TSHZ3: variants seen among roughly 807,000 people sequenced by gnomAD.
TSHZ3 encodes teashirt zinc finger homeobox 3, also known as teashirt homolog 3.
TSHZ3 carries 10 observed loss-of-function variants against 64.5 expected under a neutral mutation model. The ratio of observed to expected loss-of-function variants is 0.16; its 90% CI spans 0.10 to 0.26. The LOEUF is 0.26. TSHZ3 is among the 10% of genes least tolerant of loss of function. TSHZ3 has a pLI of 1.00. For missense variants in TSHZ3, 1,242 were observed against 1,421.7 expected, an observed-to-expected ratio of 0.87 and a Z score of 2.03; for synonymous variants, 608 against 593.1, an observed-to-expected ratio of 1.03 and a Z score of -0.36.
In TSHZ3 at chr19:31,337,336, T is replaced by G. The variant is rs75272170; in HGVS notation, c.40+11844A>C. The stretch of plus-strand genomic sequence containing the variant: ...ACAAAACAAGGTTTCTTCCCATGAG[T>G]GCACTCAGTTCCTTACCAATTATAC... On this transcript the variant is annotated intron_variant, in intron 1 of 1. Coordinates refer to ENST00000240587, the MANE Select transcript of TSHZ3 (RefSeq NM_020856.4). Among the ~76,000 whole-genome samples, 537 of 152,298 alleles carry G rather than the reference T, an allele frequency of 3.5e-3. 6 individuals carry two copies. Among genetic ancestry groups the G allele is most frequent in the South Asian group, 0.033 (157 of 4,830 alleles).
chr19:31,345,310 C>G (rs1377802199), intron 1 of TSHZ3, among the ~76,000 whole-genome samples: 1 of 152,204 alleles, frequency 6.6e-6, no homozygotes, highest in Non-Finnish European at 1.5e-5. Flanking sequence ...ATTCCCAAAG[C>G]TAAGGCCGAA....
chr19:31,291,575 C>T (rs1976565999), intron 1 of TSHZ3, among the ~76,000 whole-genome samples: 1 of 152,156 alleles, frequency 6.6e-6, no homozygotes, highest in Admixed American at 6.5e-5. Flanking sequence ...CCAGTACAAA[C>T]AAAAATAAAT....
At chr19:31,282,400 C>T (rs145647173) in intron 1 of TSHZ3, among the ~76,000 whole-genome samples, 12 of 152,154 alleles carry the variant, frequency 7.9e-5, no homozygotes, top group Non-Finnish European at 1.5e-4. Context: ...GCAGCCACTA[C>T]GAGAGGACAC....
At chr19:31,254,328 A>C (rs1412741588) in intron 1 of TSHZ3, among the ~76,000 whole-genome samples, 1 of 152,180 alleles carries the variant, frequency 6.6e-6, no homozygotes, top group Admixed American at 6.5e-5. Context: ...TCTGGTCCCC[A>C]GCACGGCCGG....
At chr19:31,226,972 TC>T in intron 4 of TSHZ3, among the ~76,000 whole-genome samples, 1 of 115,704 alleles carries the variant, frequency 8.6e-6, no homozygotes, top group South Asian at 3.0e-4. Context: ...TTTCTTTCTT[TC>T]TTTCTTTTTT....
At chr19:31,180,112 C>G (rs1204733590) in intron 5 of TSHZ3, among the ~76,000 whole-genome samples, 2 of 152,094 alleles carry the variant, frequency 1.3e-5, no homozygotes, top group Admixed American at 1.3e-4. Flanking sequence ...GTTCCTTACC[C>G]CTCTGTGAGC....
At chr19:31,302,622 C>T (rs995104926) in intron 1 of TSHZ3, among the ~76,000 whole-genome samples, 3 of 140,960 alleles carry the variant, frequency 2.1e-5, no homozygotes, top group African/African-American at 8.9e-5. Flanking sequence ...TGTGCTTTTA[C>T]TTTTACCTTA....
chr19:31,208,573 T>C (rs1239038889), intron 4 of TSHZ3, among the ~76,000 whole-genome samples: 3 of 152,194 alleles, frequency 2.0e-5, no homozygotes, highest in South Asian at 4.1e-4. Context: ...CCTTCTCCTG[T>C]AGAGTGAGTG....
At chr19:31,158,021 C>G (rs915926425) in intron 5 of TSHZ3, among the ~76,000 whole-genome samples, 3 of 152,224 alleles carry the variant, frequency 2.0e-5, no homozygotes, top group Middle Eastern at 3.4e-3. Context: ...TCAGGCAGAA[C>G]AATGTATTTT....
intron 1 of TSHZ3, among the ~76,000 whole-genome samples, chr19:31,337,422 T>C (rs990729700): frequency 8.5e-5 from 13 of 152,344 alleles, no homozygotes; most frequent in Middle Eastern, 3.4e-3. Context: ...AATGGGATGA[T>C]GGCATTTGTA....
intron 3 of TSHZ3, among the ~76,000 whole-genome samples, chr19:31,232,638 ACCACC>A (rs1975555674): frequency 6.6e-6 from 1 of 152,254 alleles, no homozygotes; most frequent in Non-Finnish European, 1.5e-5. Context: ...TCATGCAACC[ACCACC>A]CTGAGCAAGA....
intron 1 of TSHZ3, among the ~76,000 whole-genome samples, chr19:31,308,919 AC>A (rs1916373703): frequency 6.6e-6 from 1 of 152,204 alleles, no homozygotes. Context: ...ACCAGATTCC[AC>A]GCCGCCTAAC....
chr19:31,298,222 C>G (rs951487958), intron 1 of TSHZ3, among the ~76,000 whole-genome samples: 7 of 152,036 alleles, frequency 4.6e-5, no homozygotes, highest in Non-Finnish European at 8.8e-5. Flanking sequence ...CTTTGCTGTC[C>G]CCGCCATCCA....
chr19:31,189,809 A>T (rs1304438622), intron 5 of TSHZ3, among the ~76,000 whole-genome samples: 1 of 152,104 alleles, frequency 6.6e-6, no homozygotes, highest in Non-Finnish European at 1.5e-5. Flanking sequence ...GAAGTATTGG[A>T]ATCTCCAGCC....
intron 1 of TSHZ3, among the ~76,000 whole-genome samples, chr19:31,250,478 G>A (rs1234909289): frequency 6.6e-6 from 1 of 152,194 alleles, no homozygotes; most frequent in Non-Finnish European, 1.5e-5. Context: ...TACATGGGAT[G>A]TAAATTATTG....
intron 1 of TSHZ3, among the ~76,000 whole-genome samples, chr19:31,244,273 G>A (rs1001435711): frequency 6.6e-6 from 1 of 151,966 alleles, no homozygotes; most frequent in Non-Finnish European, 1.5e-5. Flanking sequence ...CATTAGATCC[G>A]GTTGTTTAAA....
chr19:31,241,340 T>G (rs1465133465), intron 3 of TSHZ3, among the ~76,000 whole-genome samples: 3 of 152,328 alleles, frequency 2.0e-5, no homozygotes, highest in African/African-American at 4.8e-5. Flanking sequence ...AGAATAGTTC[T>G]TATACCTTAG....
chr19:31,327,723 T>C (rs1385738099), intron 1 of TSHZ3, among the ~76,000 whole-genome samples: 1 of 152,090 alleles, frequency 6.6e-6, no homozygotes, highest in East Asian at 1.9e-4. Context: ...GGCAATAATA[T>C]GATAGTATGA....
intron 1 of TSHZ3, among the ~76,000 whole-genome samples, chr19:31,246,022 T>G (rs965193893): frequency 2.6e-5 from 4 of 152,196 alleles, no homozygotes; most frequent in African/African-American, 9.7e-5. Context: ...CATGCTAAAA[T>G]AGTATTCAGA....
Sources: gnomAD v4.1 joint callset for allele counts (sites outside exome capture counted in the v4.1 genomes callset) on GRCh38, gnomAD v4.1.1 for gene constraint, MANE v1.5 for transcripts, NCBI Gene and HGNC (gene_info 2026-07-23, HGNC 2026-07-21) for gene names.